The following PRND variants were observed in gnomAD, a reference collection of about 807,000 sequenced individuals.
The protein encoded by PRND is prion-like protein doppel.
For synonymous variants in PRND, 94 were observed against 93.2 expected (o/e 1.01, Z -0.05); for missense variants, 227 against 223.3 (o/e 1.02, Z -0.11).
Position 4,726,154 on chromosome 20 carries a change from T to TTTTTTTTC in PRND, c.*1072_*1073insTTTTTTTC, listed in dbSNP as rs1923261915. On this transcript the variant is annotated 3_prime_UTR_variant, in exon 2 of 2. Coordinates refer to ENST00000305817, the MANE Select transcript of PRND (RefSeq NM_012409.4). ...GGATTCAATTTTTTTTTTTTTTTTT[T>TTTTTTTTC]CAAAAGAAGGGTAAGTGCTTGCTGT... is the stretch of plus-strand genomic sequence containing the variant. 6 of 157,376 alleles carry TTTTTTTTC rather than the reference T, an allele frequency of 3.8e-5. No homozygotes were observed. The highest frequency in any genetic ancestry group is 8.8e-5 in the Non-Finnish European group (6 of 67,858). 9.7% of individuals were successfully genotyped at this position (157,376 alleles called of 1,614,324 possible).
At position 4,725,744 on chromosome 20, in the gene PRND, A is replaced by C. The variant is rs1055268421; in HGVS notation, c.*662A>C. 1.2e-5 allele frequency: 2 copies of C among 167,256 alleles called. No individual in the cohort carries two copies. Among genetic ancestry groups the C allele is most frequent in the Non-Finnish European group, 2.9e-5 (2 of 68,242 alleles). 10.4% of individuals were successfully genotyped at this position (167,256 alleles called of 1,614,324 possible). On this transcript the variant is annotated 3_prime_UTR_variant, in exon 2 of 2. Coordinates refer to ENST00000305817, the MANE Select transcript of PRND (RefSeq NM_012409.4). The stretch of plus-strand genomic sequence containing the variant: ...GATTAAAGGAATTAAACTAAAATAC[A>C]AGTAAAGCTAGACAAAGGCCCAGAA...
rs369768460 is a variant in PRND, at chr20:4,724,749, C to T, written c.198C>T (p.Leu66=). The T allele has an allele frequency of 1.7e-5, 27 of 1,614,072 alleles. No homozygotes were observed. The highest frequency in any genetic ancestry group is 1.6e-4 in the Middle Eastern group (1 of 6,084). ...PGAFIKQGRK[L]DIDFGAEGNR... is the part of the protein sequence containing the mutation. ...CCTTCATCAAGCAAGGCCGCAAGCT[C>T]GACATTGACTTCGGAGCCGAGGGCA... is the stretch of plus-strand genomic sequence containing the variant. Residue 66 remains leucine, a synonymous_variant, in exon 2 of 2, where the codon CTC becomes CTT. Coordinates refer to ENST00000305817, the MANE Select transcript of PRND (RefSeq NM_012409.4). This position sits in a 1 kb window ranked among gnomAD's most constrained non-coding sequence, Gnocchi z 4.8.
Position 4,724,840 on chromosome 20 carries a change from G to A in PRND, c.289G>A (p.Ala97Thr). The stretch of plus-strand genomic sequence containing the variant: ...CATCCACTACAACGGCTGCTCTGAG[G>A]CTAATGTGACCAAGGAGGCATTTGT... ...DGIHYNGCSE[A>T]NVTKEAFVTG... The change falls in exon 2 of 2, where the codon GCT becomes ACT. Residue 97 changes from alanine (A) to threonine (T), a missense_variant. Physicochemically the swap from Ala to Thr is moderately conservative, Grantham distance 58. Coordinates refer to ENST00000305817, the MANE Select transcript of PRND (RefSeq NM_012409.4). The surrounding 1 kb of genome is among the most constrained non-coding windows in gnomAD (Gnocchi z 4.8). 2 of 1,614,200 alleles carry A rather than the reference G, an allele frequency of 1.2e-6. No homozygotes were observed. Among genetic ancestry groups the A allele is most frequent in the South Asian group, 1.1e-5 (1 of 91,076 alleles).
Position 4,725,265 on chromosome 20 carries a change from C to T in PRND, c.*183C>T. ...TGCCTGCGTTCTGATAGATGGGGGA[C>T]TGTGGCTTCTCCGTCACTCCATTCT... On this transcript the variant is annotated 3_prime_UTR_variant, in exon 2 of 2. Transcript: ENST00000305817. The T allele has an allele frequency of 1.4e-6, 1 of 718,230 alleles. No homozygotes were observed. The highest frequency in any genetic ancestry group is 2.3e-6 in the Non-Finnish European group (1 of 430,378). 44.5% of individuals were successfully genotyped at this position (718,230 alleles called of 1,614,324 possible). A position where few individuals can be genotyped will look rare whatever the true frequency, so the allele number is the denominator to read the frequency against.
rs1472532154 is a variant in PRND at position 4,724,468 on chromosome 20, C to T, written c.-11-73C>T. 8 of 1,565,260 alleles carry T rather than the reference C, an allele frequency of 5.1e-6. No individual in the cohort carries two copies. The highest frequency in any genetic ancestry group is 2.7e-5 in the African/African-American group (2 of 73,922). On this transcript the variant is annotated intron_variant, in intron 1 of 1. Transcript: ENST00000305817. The surrounding 1 kb of genome is among the most constrained non-coding windows in gnomAD (Gnocchi z 4.8). ...GATGCGATTCCTTCCTTAAAATCTC[C>T]TGCACTTGGGAGGGGGCAGGGGAGC...
In PRND at chr20:4,725,141, C is replaced by T. The variant is rs924275074; in HGVS notation, c.*59C>T. The T allele has an allele frequency of 6.4e-7, 1 of 1,564,288 alleles. No individual in the cohort carries two copies. Among genetic ancestry groups the T allele is most frequent in the Non-Finnish European group, 8.7e-7 (1 of 1,154,042 alleles). ...AGCGAGCAAATCCTGGCAAGTGACC[C>T]AGCTCTTCTCCCCCAAACCCACGCG... is the stretch of plus-strand genomic sequence containing the variant. On this transcript the variant is annotated 3_prime_UTR_variant, in exon 2 of 2. Coordinates refer to ENST00000305817, the MANE Select transcript of PRND (RefSeq NM_012409.4).
In PRND at chr20:4,727,151, C is replaced by A. The variant is rs577410265; in HGVS notation, c.*2069C>A. The A allele has an allele frequency of 6.0e-6, 1 of 167,228 alleles. No individual in the cohort carries two copies. The highest frequency in any genetic ancestry group is 2.1e-4 in the South Asian group (1 of 4,824). 10.4% of individuals were successfully genotyped at this position (167,228 alleles called of 1,614,324 possible). A position where few individuals can be genotyped will look rare whatever the true frequency, so the allele number is the denominator to read the frequency against. On this transcript the variant is annotated 3_prime_UTR_variant, in exon 2 of 2. Coordinates refer to ENST00000305817, the MANE Select transcript of PRND (RefSeq NM_012409.4). ...GCTCTCCTAAGTTTAATTACAACAG[C>A]ACGTGCAGCCACGTCAGCCAAATGA...
chr20:4,727,440 G>A lies in PRND; in HGVS notation c.*2358G>A, dbSNP rs1216811365. Reference sequence around the variant, plus strand: ...TTTCACTTTAGCAAAGGGGCAATGGGGTGCCTACTATGTGCGAGACATTGG... The same window carrying A: ...TTTCACTTTAGCAAAGGGGCAATGGAGTGCCTACTATGTGCGAGACATTGG... On this transcript the variant is annotated 3_prime_UTR_variant, in exon 2 of 2. Coordinates refer to ENST00000305817, the MANE Select transcript of PRND (RefSeq NM_012409.4). 6.0e-6 allele frequency: 1 copy of A among 167,076 alleles called. No individual in the cohort carries two copies. Among genetic ancestry groups the A allele is most frequent in the African/African-American group, 2.4e-5 (1 of 41,424 alleles). 10.3% of individuals were successfully genotyped at this position (167,076 alleles called of 1,614,324 possible). A position where few individuals can be genotyped will look rare whatever the true frequency, so the allele number is the denominator to read the frequency against.
chr20:4,727,050 T>TA lies in PRND; in HGVS notation c.*1975dup, dbSNP rs1194916777. The TA allele has an allele frequency of 2.4e-5, 4 of 166,830 alleles. No homozygotes were observed. Among genetic ancestry groups the TA allele is most frequent in the Non-Finnish European group, 4.4e-5 (3 of 68,074 alleles). The allele number at this position is 166,830 out of a possible 1,614,324, so 10.3% of individuals were successfully genotyped here. A position where few individuals can be genotyped will look rare whatever the true frequency, so the allele number is the denominator to read the frequency against. On this transcript the variant is annotated 3_prime_UTR_variant, in exon 2 of 2. Coordinates refer to ENST00000305817, the MANE Select transcript of PRND (RefSeq NM_012409.4). ...CTACGGTTATTTCCTGCTTTCTAAT[T>TA]AAAAAAATAATAACCATGGCAAGAG...
intron 1 of PRND, among the ~76,000 whole-genome samples, chr20:4,722,755 C>T (rs1409331951): frequency 6.6e-6 from 1 of 152,154 alleles, no homozygotes. Context: ...TAAGTCTTTG[C>T]CTAGGAGACA....
rs1923224628 is a variant in PRND, at chr20:4,725,091, G to T, written c.*9G>T. On this transcript the variant is annotated 3_prime_UTR_variant, in exon 2 of 2. Transcript: ENST00000305817. Reference sequence around the variant, plus strand: ...GGCTCACGGTGAAATAAGCTTGCCAGGAGGCTGGCAGTACAGAGTGCAGCA... The same window carrying T: ...GGCTCACGGTGAAATAAGCTTGCCATGAGGCTGGCAGTACAGAGTGCAGCA... The T allele has an allele frequency of 6.2e-7, 1 of 1,611,748 alleles. No individual in the cohort carries two copies. The highest frequency in any genetic ancestry group is 1.3e-5 in the African/African-American group (1 of 74,850).
chr20:4,725,169 T>G lies in PRND; in HGVS notation c.*87T>G. On this transcript the variant is annotated 3_prime_UTR_variant, in exon 2 of 2. Coordinates refer to ENST00000305817, the MANE Select transcript of PRND (RefSeq NM_012409.4). ...CTCTTCTCCCCCAAACCCACGCGTG[T>G]TCTGAAGGTGCCCAGGAGCGGCGAT... 1 of 1,511,358 alleles carries G rather than the reference T, an allele frequency of 6.6e-7. No individual in the cohort carries two copies. The highest frequency in any genetic ancestry group is 9.0e-7 in the Non-Finnish European group (1 of 1,115,940). The allele number at this position is 1,511,358 out of a possible 1,614,324, so 93.6% of individuals were successfully genotyped here.
At chr20:4,722,790 A>G (rs1180801790) in intron 1 of PRND, among the ~76,000 whole-genome samples, 1 of 151,632 alleles carries the variant, frequency 6.6e-6, no homozygotes, top group Non-Finnish European at 1.5e-5. Flanking sequence ...CGGTATGGGA[A>G]CTCCTTCCAT....
Position 4,724,592 on chromosome 20 carries a change from G to T in PRND, c.41G>T (p.Cys14Phe). The T allele has an allele frequency of 6.2e-7, 1 of 1,614,156 alleles. No individual in the cohort carries two copies. The highest frequency in any genetic ancestry group is 2.2e-5 in the East Asian group (1 of 44,878). Residue 14 changes from cysteine to phenylalanine, a missense_variant, in exon 2 of 2, where the codon TGC becomes TTC. Coordinates refer to ENST00000305817, the MANE Select transcript of PRND (RefSeq NM_012409.4). This position sits in a 1 kb window ranked among gnomAD's most constrained non-coding sequence, Gnocchi z 4.8. ...AGCTGGTGGTGGCTGGCCACTGTCT[G>T]CATGCTGCTCTTCAGCCACCTCTCT... ...HLSWWWLATV[C>F]MLLFSHLSAV...
rs541449183 is a variant in PRND, at chr20:4,727,192, G to T, written c.*2110G>T. ...AGCCAAATGACTTCATTTCTGATGT[G>T]AAAACGCTTAGGCCATGATGTCGTT... On this transcript the variant is annotated 3_prime_UTR_variant, in exon 2 of 2. Transcript: ENST00000305817. The T allele has an allele frequency of 8.4e-5, 14 of 167,210 alleles. No individual in the cohort carries two copies. The highest frequency in any genetic ancestry group is 3.4e-4 in the African/African-American group (14 of 41,574). The allele number at this position is 167,210 out of a possible 1,614,324, so 10.4% of individuals were successfully genotyped here.
Position 4,725,847 on chromosome 20 carries a change from G to T in PRND, c.*765G>T, listed in dbSNP as rs902610512. On this transcript the variant is annotated 3_prime_UTR_variant, in exon 2 of 2. Transcript: ENST00000305817. ...ATACAGCAGGATGTGCCTGTGGCAT[G>T]AAGATTTTCTTTCTCTTTTTTTTTT... 6.2e-6 allele frequency: 1 copy of T among 162,014 alleles called. No homozygotes were observed. Among genetic ancestry groups the T allele is most frequent in the Non-Finnish European group, 1.5e-5 (1 of 67,456 alleles). 10.0% of individuals were successfully genotyped at this position (162,014 alleles called of 1,614,324 possible).
chr20:4,725,407 T>C lies in PRND; in HGVS notation c.*325T>C. 1 of 278,896 alleles carries C rather than the reference T, an allele frequency of 3.6e-6. No homozygotes were observed. Among genetic ancestry groups the C allele is most frequent in the East Asian group, 7.7e-5 (1 of 12,942 alleles). 17.3% of individuals were successfully genotyped at this position (278,896 alleles called of 1,614,324 possible). ...CTTCCCAACAACTCTTAGAGGTAGG[T>C]GTATTCCCGTTTTACAGATAAGGAA... On this transcript the variant is annotated 3_prime_UTR_variant, in exon 2 of 2. Coordinates refer to ENST00000305817, the MANE Select transcript of PRND (RefSeq NM_012409.4).
rs941302656 is a variant in PRND, at chr20:4,721,981, G to C, written c.-12+12G>C. The C allele has an allele frequency of 4.6e-5, 7 of 152,252 alleles. No homozygotes were observed. Among genetic ancestry groups the C allele is most frequent in the Non-Finnish European group, 7.3e-5 (5 of 68,090 alleles). The allele number at this position is 152,252 out of a possible 1,614,324, so 9.4% of individuals were successfully genotyped here. On this transcript the variant is annotated intron_variant, in intron 1 of 1. Coordinates refer to ENST00000305817, the MANE Select transcript of PRND (RefSeq NM_012409.4). The stretch of plus-strand genomic sequence containing the variant: ...CAGAGAGAGCCAAGGTACGTGGGGG[G>C]CCACTTCTGTGGTCAGGACTGCTGG...
rs1001379302 is a variant in PRND, at chr20:4,724,281, A to G, written c.-11-260A>G. On this transcript the variant is annotated intron_variant, in intron 1 of 1. Transcript: ENST00000305817. This position sits in a 1 kb window ranked among gnomAD's most constrained non-coding sequence, Gnocchi z 4.8. Reference sequence around the variant, plus strand: ...TTTCCCATGCGTATTCAAAGCCACTATAATTGCCCTTTGCCATTCTTACCT... The same window carrying G: ...TTTCCCATGCGTATTCAAAGCCACTGTAATTGCCCTTTGCCATTCTTACCT... Among the ~76,000 whole-genome samples, 2 of 152,114 alleles carry G rather than the reference A, an allele frequency of 1.3e-5. No homozygotes were observed. The highest frequency in any genetic ancestry group is 4.8e-5 in the African/African-American group (2 of 41,418).
Sources: gnomAD v4.1 joint callset for allele counts (sites outside exome capture counted in the v4.1 genomes callset) on GRCh38, gnomAD v4.1.1 for gene constraint, Gnocchi (gnomAD v3.1) non-coding constraint, MANE v1.5 for transcripts, NCBI Gene and HGNC (gene_info 2026-07-23, HGNC 2026-07-21) for gene names.